The following UTRN variants were observed in gnomAD, a reference collection of about 807,000 sequenced individuals.
UTRN encodes utrophin.
UTRN carries 283 observed loss-of-function variants against 463.9 expected under a neutral mutation model. The observed-to-expected ratio is 0.61, with a 90% CI of 0.55 to 0.67. The LOEUF is 0.67. UTRN is among the 30% of genes least tolerant of loss of function. The pLI, the probability that UTRN is intolerant of heterozygous loss-of-function variation, is 0.00. For synonymous variants in UTRN, 1,442 were observed against 1,431.5 expected (o/e 1.01, Z -0.17); for missense variants, 3,922 against 4,084.3 (o/e 0.96, Z 1.08).
chr6:144,791,806 T>C (rs941779511), intron 62 of UTRN, among the ~76,000 whole-genome samples: 3 of 152,220 alleles, frequency 2.0e-5, no homozygotes, highest in African/African-American at 4.8e-5. Context: ...TTTGTCCTTA[T>C]GTTTTGTGAG....
intron 2 of UTRN, among the ~76,000 whole-genome samples, chr6:144,369,549 G>A (rs1779801387): frequency 6.6e-6 from 1 of 152,242 alleles, no homozygotes; most frequent in Non-Finnish European, 1.5e-5. Context: ...CTAGGAGGTT[G>A]AGGTTGCAGT....
chr6:144,724,478 C>T (rs531653495), intron 53 of UTRN, among the ~76,000 whole-genome samples: 1 of 152,084 alleles, frequency 6.6e-6, no homozygotes, highest in Non-Finnish European at 1.5e-5. Flanking sequence ...CCTCCCGCCT[C>T]AGCCTCCCAA....
chr6:144,623,977 A>T (rs1562666090), intron 51 of UTRN, among the ~76,000 whole-genome samples: 2 of 152,236 alleles, frequency 1.3e-5, no homozygotes, highest in East Asian at 3.9e-4. Flanking sequence ...ACAAAGTCTT[A>T]CAGTAATTCA....
intron 65 of UTRN, among the ~76,000 whole-genome samples, chr6:144,815,330 T>A (rs1327439397): frequency 6.6e-6 from 1 of 152,224 alleles, no homozygotes; most frequent in African/African-American, 2.4e-5. Flanking sequence ...TAAAAGTATG[T>A]ATTAGGCAGG....
chr6:144,618,103 T>A (rs979914370), intron 51 of UTRN, among the ~76,000 whole-genome samples: 1 of 152,204 alleles, frequency 6.6e-6, no homozygotes, highest in Non-Finnish European at 1.5e-5. Flanking sequence ...TTCAGATGGA[T>A]CTTTTTTGCA....
chr6:144,298,479 C>T (rs1212160942), intron 2 of UTRN, among the ~76,000 whole-genome samples: 2 of 151,142 alleles, frequency 1.3e-5, no homozygotes, highest in Non-Finnish European at 1.5e-5. Context: ...AGCACATTCT[C>T]TTGGCCCGGT....
At chr6:144,604,146 A>C (rs948095797) in intron 51 of UTRN, among the ~76,000 whole-genome samples, 4 of 152,210 alleles carry the variant, frequency 2.6e-5, no homozygotes, top group Non-Finnish European at 5.9e-5. Context: ...ACAGTAAGTC[A>C]TATCTCTGAG....
intron 2 of UTRN, among the ~76,000 whole-genome samples, chr6:144,345,731 T>C (rs1482213954): frequency 6.6e-6 from 1 of 152,064 alleles, no homozygotes; most frequent in East Asian, 1.9e-4. Flanking sequence ...TTTCCTTTGA[T>C]TGTCACTAAA....
chr6:144,518,034 C>A (rs1050057452), intron 39 of UTRN, among the ~76,000 whole-genome samples: 1 of 152,176 alleles, frequency 6.6e-6, no homozygotes, highest in Non-Finnish European at 1.5e-5. Context: ...CTGCTTGAAG[C>A]AACATACAGG....
At chr6:144,718,374 G>A (rs1236149679) in intron 53 of UTRN, among the ~76,000 whole-genome samples, 1 of 152,184 alleles carries the variant, frequency 6.6e-6, no homozygotes, top group Non-Finnish European at 1.5e-5. Context: ...AGAGGCTGAG[G>A]CAGAAAGATC....
At position 144,424,167 on chromosome 6, in the gene UTRN, C is replaced by T. The variant is rs1785095386; in HGVS notation, c.405+89C>T. 3.7e-6 allele frequency: 5 copies of T among 1,359,788 alleles called. No individual in the cohort carries two copies. In the East Asian group the frequency reaches 9.3e-5, roughly 25 times the overall value. 84.2% of individuals were successfully genotyped at this position (1,359,788 alleles called of 1,614,324 possible). ...TTAAGGCTGCCGTAACCAAGTACCA[C>T]AAGCTGCTTGGCTTGAACAACAGAA... On this transcript the variant is annotated intron_variant, in intron 6 of 74. Transcript: ENST00000367545.
At chr6:144,474,787 G>C (rs1278680074) in intron 25 of UTRN, 28 bp downstream of exon 25, 1 of 1,605,494 alleles carries the variant, frequency 6.2e-7, no homozygotes, top group East Asian at 2.2e-5. Context: ...ACTACCTACG[G>C]TTTTCAGGAG....
chr6:144,528,905 A>G (rs2128600262), intron 41 of UTRN, among the ~76,000 whole-genome samples: 1 of 152,348 alleles, frequency 6.6e-6, no homozygotes, highest in East Asian at 1.9e-4. Flanking sequence ...TGGGGCGAGT[A>G]GAGAAAGACC....
intron 50 of UTRN, among the ~76,000 whole-genome samples, chr6:144,569,617 G>A (rs1179664746): frequency 6.6e-6 from 1 of 152,102 alleles, no homozygotes; most frequent in Non-Finnish European, 1.5e-5. Context: ...AATACTTGTT[G>A]AGTTTCTACT....
chr6:144,729,330 A>G (rs1006721051), intron 53 of UTRN, among the ~76,000 whole-genome samples: 2 of 152,198 alleles, frequency 1.3e-5, no homozygotes, highest in Non-Finnish European at 2.9e-5. Flanking sequence ...ACTATGGAAG[A>G]AAAGGATCTA....
At chr6:144,511,895 T>A (rs1434325695) in intron 35 of UTRN, among the ~76,000 whole-genome samples, 6 of 152,320 alleles carry the variant, frequency 3.9e-5, no homozygotes, top group South Asian at 2.1e-4. Context: ...TAATTTTTTT[T>A]AATTCTGAAA....
At chr6:144,779,012 G>A (rs892806464) in intron 60 of UTRN, among the ~76,000 whole-genome samples, 6 of 152,160 alleles carry the variant, frequency 3.9e-5, no homozygotes, top group Non-Finnish European at 8.8e-5. Context: ...ACTAAAAATT[G>A]AAGACATGAT....
chr6:144,842,800 A>G (rs906404897), intron 73 of UTRN, among the ~76,000 whole-genome samples: 1 of 151,572 alleles, frequency 6.6e-6, no homozygotes, highest in Non-Finnish European at 1.5e-5. Context: ...CAGTCTCCAC[A>G]CCCACCTCCC....
chr6:144,574,774 A>G (rs992613351), intron 50 of UTRN, among the ~76,000 whole-genome samples: 1 of 151,928 alleles, frequency 6.6e-6, no homozygotes, highest in African/African-American at 2.4e-5. Context: ...TGGAGAAGGA[A>G]TTTCACTATG....
Sources: gnomAD v4.1 joint callset for allele counts (sites outside exome capture counted in the v4.1 genomes callset) on GRCh38, gnomAD v4.1.1 for gene constraint, MANE v1.5 for transcripts, NCBI Gene and HGNC (gene_info 2026-07-23, HGNC 2026-07-21) for gene names.